Variants in CPNE4 observed in about 807,000 individuals in gnomAD.
CPNE4 encodes copine 4.
A neutral mutation model predicts 67.9 loss-of-function variants in CPNE4; 25 were observed. The ratio of observed to expected loss-of-function variants is 0.37; its 90% confidence interval spans 0.27 to 0.51. CPNE4 has a LOEUF of 0.51. CPNE4 is among the 20% of genes least tolerant of loss of function. The pLI, the probability that CPNE4 is intolerant of heterozygous loss-of-function variation, is 0.93. For synonymous variants in CPNE4, 242 were observed against 244.9 expected (o/e 0.99, Z 0.11); for missense variants, 464 against 690.8 (o/e 0.67, Z 3.68).
At chr3:132,004,307 T>C (rs1376165303) in intron 1 of CPNE4, among the ~76,000 whole-genome samples, 3 of 152,052 alleles carry the variant, frequency 2.0e-5, no homozygotes, top group African/African-American at 4.8e-5. Context: ...GGAAAGCATA[T>C]AGAGAAGAAA....
chr3:131,677,493 T>G (rs1362498814), intron 6 of CPNE4, among the ~76,000 whole-genome samples: 1 of 152,196 alleles, frequency 6.6e-6, no homozygotes, highest in Non-Finnish European at 1.5e-5. Context: ...ATCTTTATTA[T>G]GAAATCTTTG....
intron 9 of CPNE4, among the ~76,000 whole-genome samples, chr3:131,576,968 G>A (rs1937565020): frequency 6.6e-6 from 1 of 152,146 alleles, no homozygotes; most frequent in South Asian, 2.1e-4. Context: ...TATATCAAAG[G>A]CATGCTAAAA....
intron 8 of CPNE4, among the ~76,000 whole-genome samples, chr3:131,586,722 C>CTCTGTCTGTCTG (rs753075283): frequency 3.4e-5 from 5 of 148,384 alleles, no homozygotes; most frequent in East Asian, 4.0e-4. Flanking sequence ...GACTTTCTAT[C>CTCTGTCTGTCTG]TCTATCTGTC....
chr3:131,717,874 T>TTTCTC lies in CPNE4; in HGVS notation c.360+5571_360+5572insGAGAA, dbSNP rs2081747183. Among the ~76,000 whole-genome samples the TTTCTC allele has an allele frequency of 1.3e-3, 125 of 97,048 alleles. 6 individuals are homozygous for TTTCTC. The highest frequency in any genetic ancestry group is 1.7e-3 in the Non-Finnish European group (86 of 49,288). The allele number at this position is 97,048 out of a possible 152,430, so 63.7% of individuals were successfully genotyped here. On this transcript the variant is annotated intron_variant, in intron 3 of 15. Transcript: ENST00000429747. Reference sequence around the variant, plus strand: ...CCTCGCTCCCTCCTTTCTTTCTTTCTTTTCTTTCTTTCTTTCTTTCTTTCT... The same window carrying TTTCTC: ...CCTCGCTCCCTCCTTTCTTTCTTTCTTTCTCTTTCTTTCTTTCTTTCTTTCTTTCT...
chr3:131,923,829 GC>G (rs1418175581), intron 1 of CPNE4, among the ~76,000 whole-genome samples: 1 of 151,160 alleles, frequency 6.6e-6, no homozygotes, highest in East Asian at 1.9e-4. Context: ...TAAGCCCCAG[GC>G]CCTAAGTAAA....
chr3:131,737,496 G>A (rs1050535161), intron 2 of CPNE4, among the ~76,000 whole-genome samples: 24 of 152,122 alleles, frequency 1.6e-4, no homozygotes, highest in African/African-American at 5.8e-4. Context: ...CAAATCTTAA[G>A]TGGTGAAATT....
intron 10 of CPNE4, among the ~76,000 whole-genome samples, chr3:131,573,994 C>G (rs9864560): frequency 0.053 from 8,120 of 152,134 alleles, 273 homozygotes; most frequent in Non-Finnish European, 0.086. Context: ...TAAGGAGAAG[C>G]TAGTTTAGTA....
chr3:131,996,716 C>T (rs1391182939), intron 1 of CPNE4, among the ~76,000 whole-genome samples: 1 of 151,946 alleles, frequency 6.6e-6, no homozygotes, highest in East Asian at 1.9e-4. Flanking sequence ...GTGGAATCCT[C>T]AGGCTCATGG....
intron 1 of CPNE4, among the ~76,000 whole-genome samples, chr3:131,966,041 A>G (rs920728952): frequency 1.3e-5 from 2 of 152,138 alleles, no homozygotes; most frequent in African/African-American, 4.8e-5. Context: ...CACAGTGCAA[A>G]CAAATTAGAA....
intron 7 of CPNE4, among the ~76,000 whole-genome samples, chr3:131,606,658 C>A (rs981636390): frequency 2.0e-5 from 3 of 152,108 alleles, no homozygotes; most frequent in Non-Finnish European, 4.4e-5. Context: ...TAGGGCCTTG[C>A]CAATCCTTGG....
chr3:131,855,290 A>G (rs2086396559), intron 2 of CPNE4, among the ~76,000 whole-genome samples: 1 of 151,888 alleles, frequency 6.6e-6, no homozygotes, highest in Non-Finnish European at 1.5e-5. Flanking sequence ...AGGCATTGAA[A>G]CTTGGTTCTG....
At chr3:131,582,941 T>C (rs1000065050) in intron 8 of CPNE4, among the ~76,000 whole-genome samples, 1 of 152,206 alleles carries the variant, frequency 6.6e-6, no homozygotes, top group Admixed American at 6.5e-5. Flanking sequence ...ATAGTGATTG[T>C]TGTTTTCAGC....
chr3:131,885,318 T>C (rs2087836146), intron 2 of CPNE4, among the ~76,000 whole-genome samples: 1 of 147,032 alleles, frequency 6.8e-6, no homozygotes, highest in Admixed American at 6.9e-5. Context: ...ATTTAGGGTA[T>C]CTGGTGGGAG....
rs1940178831 is a variant in CPNE4 at position 131,616,762 on chromosome 3, A to C, written c.682-29180T>G. Among the ~76,000 whole-genome samples, 3 of 152,234 alleles carry C rather than the reference A, an allele frequency of 2.0e-5. No homozygotes were observed. The South Asian group carries it at 6.2e-4, about 31-fold the overall frequency. ...AATTAATCAGAACTGAAGGCACATA[A>C]AAATGCAAGGAATTAAAGAACAGAC... On this transcript the variant is annotated intron_variant, in intron 7 of 15. Transcript: ENST00000429747.
At chr3:131,920,053 T>A (rs539584637) in intron 1 of CPNE4, among the ~76,000 whole-genome samples, 1 of 152,266 alleles carries the variant, frequency 6.6e-6, no homozygotes, top group South Asian at 2.1e-4. Flanking sequence ...GGCAAATTGT[T>A]AAACTCAAAT....
At chr3:131,896,632 C>A (rs959243270) in intron 2 of CPNE4, among the ~76,000 whole-genome samples, 12 of 152,058 alleles carry the variant, frequency 7.9e-5, no homozygotes, top group African/African-American at 2.9e-4. Flanking sequence ...AACCACATGA[C>A]CATTCTTAAT....
At chr3:131,912,897 C>T (rs970071887) in intron 1 of CPNE4, among the ~76,000 whole-genome samples, 4 of 152,012 alleles carry the variant, frequency 2.6e-5, no homozygotes, top group African/African-American at 7.2e-5. Flanking sequence ...TGCTAGCCTG[C>T]GGACTACACC....
intron 7 of CPNE4, 86 bp downstream of exon 7, chr3:131,669,589 G>C: frequency 9.5e-7 from 1 of 1,054,086 alleles, no homozygotes; most frequent in Middle Eastern, 2.2e-4. Flanking sequence ...AGAAAATTTG[G>C]GGTTTGTCAA....
intron 1 of CPNE4, among the ~76,000 whole-genome samples, chr3:131,961,631 A>C (rs2072180849): frequency 6.6e-6 from 1 of 152,206 alleles, no homozygotes; most frequent in Non-Finnish European, 1.5e-5. Flanking sequence ...TTTCTCTGAA[A>C]GTACTCTCCT....
Sources: gnomAD v4.1 joint callset for allele counts (sites outside exome capture counted in the v4.1 genomes callset) on GRCh38, gnomAD v4.1.1 for gene constraint, MANE v1.5 for transcripts, NCBI Gene and HGNC (gene_info 2026-07-23, HGNC 2026-07-21) for gene names.